Variants in INPP4B observed in about 807,000 individuals in gnomAD.
The protein encoded by INPP4B is inositol polyphosphate-4-phosphatase type II B.
In INPP4B, 55 loss-of-function variants were observed where a neutral mutation model predicts 122.5. The observed-to-expected ratio is 0.45, with a 90% CI of 0.36 to 0.56. The LOEUF is 0.56. INPP4B is among the 20% of genes least tolerant of loss of function. The pLI, the probability that INPP4B is intolerant of heterozygous loss-of-function variation, is 0.00. For synonymous variants in INPP4B, 403 were observed against 388.7 expected, an observed-to-expected ratio of 1.04 and a Z score of -0.43; for missense variants, 1,000 against 1,097.7, an observed-to-expected ratio of 0.91 and a Z score of 1.26.
chr4:142,572,148 C>T (rs1414569149), intron 2 of INPP4B, among the ~76,000 whole-genome samples: 1 of 152,122 alleles, frequency 6.6e-6, no homozygotes, highest in Non-Finnish European at 1.5e-5. Context: ...TGTCACACTG[C>T]TCTGCTGTTG....
At chr4:142,378,947 CAT>C (rs1226257063) in intron 7 of INPP4B, among the ~76,000 whole-genome samples, 2 of 152,190 alleles carry the variant, frequency 1.3e-5, no homozygotes, top group Non-Finnish European at 1.5e-5. Context: ...TAGTTGCTAA[CAT>C]ATGTTTCAAA....
At chr4:142,457,630 C>G (rs1169943790) in intron 3 of INPP4B, among the ~76,000 whole-genome samples, 1 of 152,202 alleles carries the variant, frequency 6.6e-6, no homozygotes, top group Non-Finnish European at 1.5e-5. Context: ...CAATCATTCT[C>G]AAGACTGACA....
chr4:142,331,521 CT>C (rs892383533), intron 7 of INPP4B, among the ~76,000 whole-genome samples: 9 of 152,178 alleles, frequency 5.9e-5, no homozygotes, highest in African/African-American at 2.4e-5. Context: ...ATCATCCCCC[CT>C]CTCACATGCC....
At chr4:142,299,451 G>A (rs771219553) in intron 9 of INPP4B, among the ~76,000 whole-genome samples, 4 of 151,462 alleles carry the variant, frequency 2.6e-5, no homozygotes, top group East Asian at 1.9e-4. Flanking sequence ...CATCGCATCC[G>A]GCCTTGTTCA....
chr4:142,547,966 C>A (rs532488124), intron 2 of INPP4B, among the ~76,000 whole-genome samples: 1 of 152,224 alleles, frequency 6.6e-6, no homozygotes, highest in South Asian at 2.1e-4. Context: ...AGAGCTTGAA[C>A]TCTTAAAGAT....
intron 7 of INPP4B, among the ~76,000 whole-genome samples, chr4:142,359,393 A>C (rs2148512091): frequency 6.6e-6 from 1 of 152,088 alleles, no homozygotes; most frequent in East Asian, 1.9e-4. Context: ...GTTGTCACAA[A>C]GATTAAATAA....
chr4:142,328,516 C>T (rs778891955), intron 7 of INPP4B, among the ~76,000 whole-genome samples: 26 of 152,240 alleles, frequency 1.7e-4, no homozygotes, highest in Non-Finnish European at 3.5e-4. Context: ...TGCTAAAAGA[C>T]ACGAGATATC....
intron 1 of INPP4B, among the ~76,000 whole-genome samples, chr4:142,832,125 G>T (rs1036870309): frequency 6.6e-6 from 1 of 152,164 alleles, no homozygotes; most frequent in Non-Finnish European, 1.5e-5. Context: ...TTTGATGGAG[G>T]TTGACATTTA....
intron 7 of INPP4B, among the ~76,000 whole-genome samples, chr4:142,393,164 G>A (rs1798275334): frequency 6.6e-6 from 1 of 151,974 alleles, no homozygotes; most frequent in Non-Finnish European, 1.5e-5. Context: ...CCCAAATGAT[G>A]GTAACTGAGA....
chr4:142,417,684 C>A (rs980096664), intron 5 of INPP4B, among the ~76,000 whole-genome samples: 1 of 152,088 alleles, frequency 6.6e-6, no homozygotes, highest in Non-Finnish European at 1.5e-5. Flanking sequence ...ATCACTTATA[C>A]ATCTAGCACT....
chr4:142,047,463 G>A (rs1468928371), intron 25 of INPP4B, among the ~76,000 whole-genome samples: 1 of 152,002 alleles, frequency 6.6e-6, no homozygotes, highest in Non-Finnish European at 1.5e-5. Context: ...AACTCAGACT[G>A]TTAAATTTAG....
intron 2 of INPP4B, among the ~76,000 whole-genome samples, chr4:142,636,528 A>G (rs1156815813): frequency 1.3e-5 from 2 of 152,134 alleles, no homozygotes. Flanking sequence ...TAGTCCAGTG[A>G]AAGAAGGCAC....
Position 142,403,009 on chromosome 4 carries a change from C to T in INPP4B, c.301G>A (p.Glu101Lys). 2 of 1,611,692 alleles carry T rather than the reference C, an allele frequency of 1.2e-6. No homozygotes were observed. Among genetic ancestry groups the T allele is most frequent in the South Asian group, 2.2e-5 (2 of 91,012 alleles). Residue 101 changes from glutamate to lysine, a missense_variant, in exon 7 of 26, where the codon GAG becomes AAG. Coordinates refer to ENST00000262992, the MANE Select transcript of INPP4B (RefSeq NM_001101669.3). ...TTGGTCTCCTCATAGATGGGATACT[C>T]AGATGGGAATGTGACACCAGTCAAA... ...LFLTGVTFPSEYPIYEETKIK... is the reference protein window; with the variant it reads ...LFLTGVTFPSKYPIYEETKIK...
At chr4:142,276,009 A>C (rs562805037) in intron 9 of INPP4B, among the ~76,000 whole-genome samples, 1 of 151,860 alleles carries the variant, frequency 6.6e-6, no homozygotes, top group Non-Finnish European at 1.5e-5. Flanking sequence ...CCACATTAGT[A>C]GCACATCATT....
At chr4:142,488,930 T>C (rs1386567482) in intron 2 of INPP4B, among the ~76,000 whole-genome samples, 6 of 152,160 alleles carry the variant, frequency 3.9e-5, no homozygotes, top group Admixed American at 2.0e-4. Context: ...TTCAAGCCTT[T>C]TAACGTGAAA....
At chr4:142,394,132 T>C (rs777538919) in intron 7 of INPP4B, among the ~76,000 whole-genome samples, 2 of 151,944 alleles carry the variant, frequency 1.3e-5, no homozygotes, top group Non-Finnish European at 2.9e-5. Context: ...TTTTCTGTTT[T>C]GTGTGGTTTT....
At chr4:142,254,869 C>T (rs1734804444) in intron 11 of INPP4B, among the ~76,000 whole-genome samples, 1 of 151,884 alleles carries the variant, frequency 6.6e-6, no homozygotes, top group Non-Finnish European at 1.5e-5. Context: ...CAAAGATACT[C>T]CTCGAGAAGA....
chr4:142,697,283 C>T (rs112501558), intron 2 of INPP4B, among the ~76,000 whole-genome samples: 69 of 152,194 alleles, frequency 4.5e-4, no homozygotes, highest in Non-Finnish European at 9.9e-4. Flanking sequence ...TTAGGCTTTC[C>T]CCAACCCACA....
At chr4:142,029,975 TTTG>T (rs1738770708) in intron 25 of INPP4B, 1 of 1,381,152 alleles carries the variant, frequency 7.2e-7, no homozygotes, top group African/African-American at 1.4e-5. Context: ...CATAGTACTT[TTTG>T]TTTTTTAGAT....
Sources: gnomAD v4.1 joint callset for allele counts (sites outside exome capture counted in the v4.1 genomes callset) on GRCh38, gnomAD v4.1.1 for gene constraint, MANE v1.5 for transcripts, NCBI Gene and HGNC (gene_info 2026-07-23, HGNC 2026-07-21) for gene names.